ANKFN1: variants seen among roughly 807,000 people sequenced by gnomAD.
ANKFN1 encodes the protein ankyrin repeat and fibronectin type-III domain-containing protein 1.
A neutral mutation model predicts 108.7 loss-of-function variants in ANKFN1; 74 were observed. That is an observed-to-expected ratio of 0.68 (90% CI 0.56 to 0.83). The LOEUF is 0.83. ANKFN1 is among the 40% of genes least tolerant of loss of function. ANKFN1 has a pLI of 0.00. For missense variants in ANKFN1, 1,505 were observed against 1,382.3 expected (o/e 1.09, Z -1.41); for synonymous variants, 547 against 516.2 (o/e 1.06, Z -0.81).
chr17:56,233,946 C>A (rs1916924418), intron 3 of ANKFN1, among the ~76,000 whole-genome samples: 1 of 152,148 alleles, frequency 6.6e-6, no homozygotes, highest in African/African-American at 2.4e-5. Flanking sequence ...CTTTGCTTAA[C>A]TGGATAAGAG....
chr17:56,382,682 G>T (rs879657111), intron 8 of ANKFN1, among the ~76,000 whole-genome samples: 1 of 152,142 alleles, frequency 6.6e-6, no homozygotes, highest in African/African-American at 2.4e-5. Flanking sequence ...TGCAATCCTA[G>T]TCTCTGATAA....
rs899810070 is a variant in ANKFN1, at chr17:56,482,600, C to T, written c.2260+76C>T. On this transcript the variant is annotated intron_variant, in intron 18 of 20. Transcript: ENST00000682825. ...AAATCACAAAGTTATATCTGTTCCC[C>T]CTTGTCCCAGTGGAGGGTCAATAAA... 1.2e-5 allele frequency: 18 copies of T among 1,517,024 alleles called. No individual in the cohort carries two copies. In the Admixed American group the frequency reaches 3.3e-4, roughly 27 times the overall value. 94.0% of individuals were successfully genotyped at this position (1,517,024 alleles called of 1,614,324 possible).
chr17:56,105,773 C>T (rs1431653659), intron 4 of ANKFN1, among the ~76,000 whole-genome samples: 1 of 148,548 alleles, frequency 6.7e-6, no homozygotes, highest in Non-Finnish European at 1.5e-5. Context: ...GAGAGAGTTA[C>T]ATCACAGTGA....
upstream of ANKFN1, among the ~76,000 whole-genome samples, chr17:56,152,361 G>A (rs1317498606): frequency 6.6e-6 from 1 of 150,908 alleles, no homozygotes; most frequent in African/African-American, 2.4e-5. Context: ...TCCATGTTAA[G>A]CCCAGATCAC....
rs1182444291 is a variant in ANKFN1, at chr17:56,514,994, A to G, written c.*3725A>G. On this transcript the variant is annotated 3_prime_UTR_variant, in exon 21 of 21. Coordinates refer to ENST00000682825, the MANE Select transcript of ANKFN1 (RefSeq NM_001370326.1). ...GTTAGACGAGGAGGCATCCCAGAAAATACCTGCTTGGCCTCCTCTGGTTCT... is the reference window on the plus strand; with the variant it reads ...GTTAGACGAGGAGGCATCCCAGAAAGTACCTGCTTGGCCTCCTCTGGTTCT... Among the ~76,000 whole-genome samples, 1 of 151,966 alleles carries G rather than the reference A, an allele frequency of 6.6e-6. No homozygotes were observed. The highest frequency in any genetic ancestry group is 6.6e-5 in the Admixed American group (1 of 15,260).
chr17:56,169,026 T>C (rs147640370), intron 1 of ANKFN1, among the ~76,000 whole-genome samples: 121 of 152,152 alleles, frequency 8.0e-4, no homozygotes, highest in African/African-American at 2.8e-3. Context: ...TGAGGAATGA[T>C]CCAGAAGGCA....
At chr17:56,141,514 A>C (rs558963605) in intron 4 of ANKFN1, among the ~76,000 whole-genome samples, 5 of 152,202 alleles carry the variant, frequency 3.3e-5, no homozygotes, top group Non-Finnish European at 7.3e-5. Flanking sequence ...ATGCTTCAGC[A>C]AATCTTCTGA....
chr17:56,207,682 A>G (rs986125695), intron 1 of ANKFN1, among the ~76,000 whole-genome samples: 2 of 152,002 alleles, frequency 1.3e-5, no homozygotes, highest in African/African-American at 4.8e-5. Context: ...ATTCTTCCTA[A>G]TTTGGCTCCC....
chr17:56,253,718 G>A (rs186382896), intron 3 of ANKFN1, among the ~76,000 whole-genome samples: 75 of 152,214 alleles, frequency 4.9e-4, no homozygotes, highest in Admixed American at 1.6e-3. Flanking sequence ...CAGTCTGGAC[G>A]ACAGAGTAAG....
chr17:56,509,903 T>G lies in ANKFN1; in HGVS notation c.2645-570T>G, dbSNP rs146394063. Among the ~76,000 whole-genome samples the G allele has an allele frequency of 7.4e-3, 1,132 of 152,346 alleles. 18 individuals carry two copies. Among genetic ancestry groups the G allele is most frequent in the African/African-American group, 0.026 (1,091 of 41,580 alleles). ...CAGACTAACTGTAACCTGGTTAGAA[T>G]GTGGGCTTTTTCTTCGATTAACTGT... On this transcript the variant is annotated intron_variant, in intron 20 of 20. Transcript: ENST00000682825.
At chr17:56,406,542 A>T (rs906915739) in intron 8 of ANKFN1, among the ~76,000 whole-genome samples, 18 of 152,148 alleles carry the variant, frequency 1.2e-4, no homozygotes, top group African/African-American at 4.3e-4. Context: ...TACGTATTTA[A>T]TTTTTGTGTA....
chr17:56,218,183 T>TTCTC (rs72257132), intron 2 of ANKFN1, among the ~76,000 whole-genome samples: 13 of 146,010 alleles, frequency 8.9e-5, no homozygotes, highest in African/African-American at 3.1e-4. Flanking sequence ...CCTTAGCCCC[T>TTCTC]TCTCTCTCTC....
chr17:56,070,353 A>G (rs1567781197), intron 4 of ANKFN1, among the ~76,000 whole-genome samples: 1 of 151,312 alleles, frequency 6.6e-6, no homozygotes, highest in Non-Finnish European at 1.5e-5. Flanking sequence ...GAGCTGTGTG[A>G]CTCCAGACTC....
At chr17:56,372,941 C>T (rs1350187852) in intron 7 of ANKFN1, 101 bp downstream of exon 7, 4 of 1,202,818 alleles carry the variant, frequency 3.3e-6, no homozygotes, top group Admixed American at 2.5e-5. Context: ...TCTACAGAGT[C>T]ATGGATGGCC....
At chr17:56,261,506 A>G (rs913043242) in intron 3 of ANKFN1, among the ~76,000 whole-genome samples, 4 of 152,184 alleles carry the variant, frequency 2.6e-5, no homozygotes, top group Admixed American at 2.6e-4. Flanking sequence ...AAGTCCCACA[A>G]TAGGCCATCT....
At chr17:56,178,696 A>G (rs1238468942) in intron 1 of ANKFN1, among the ~76,000 whole-genome samples, 2 of 152,092 alleles carry the variant, frequency 1.3e-5, no homozygotes, top group East Asian at 1.9e-4. Flanking sequence ...TCCAGGGGGC[A>G]TGATGGTTTA....
intron 10 of ANKFN1, among the ~76,000 whole-genome samples, chr17:56,443,494 T>A (rs1355061965): frequency 6.6e-6 from 1 of 152,006 alleles, no homozygotes; most frequent in Non-Finnish European, 1.5e-5. Flanking sequence ...CGGCCCAGAG[T>A]ACATACAGTC....
chr17:56,203,716 C>T (rs8078653), intron 1 of ANKFN1, among the ~76,000 whole-genome samples: 24,400 of 152,132 alleles, frequency 0.16, 3,172 homozygotes, highest in African/African-American at 0.35. Context: ...CATGTACAAA[C>T]GAGTCAGGAA....
intron 1 of ANKFN1, among the ~76,000 whole-genome samples, chr17:56,156,303 G>T (rs1162344612): frequency 3.3e-5 from 5 of 152,120 alleles, no homozygotes; most frequent in African/African-American, 9.7e-5. Context: ...GGCCAGACTT[G>T]TCTCAAACTC....
Sources: allele counts gnomAD v4.1 joint callset (sites outside exome capture counted in the v4.1 genomes callset), GRCh38; gene constraint gnomAD v4.1.1; transcripts MANE v1.5; gene names NCBI Gene and HGNC (gene_info 2026-07-23, HGNC 2026-07-21).